NEDD8: variants seen among roughly 807,000 people sequenced by gnomAD.
NEDD8 encodes NEDD8 ubiquitin like modifier.
A neutral mutation model predicts 13.8 loss-of-function variants in NEDD8; 1 was observed. The observed-to-expected ratio is 0.07, with a 90% CI of 0.03 to 0.34. The LOEUF (loss-of-function observed/expected upper bound fraction) is 0.34. Among genes scored for constraint, NEDD8 ranks in the 10% least tolerant of loss-of-function variants. The pLI is 0.99. For synonymous variants in NEDD8, 31 were observed against 33.2 expected (o/e 0.93, Z 0.23); for missense variants, 10 against 95.2 (o/e 0.10, Z 3.73).
intron 1 of NEDD8, among the ~76,000 whole-genome samples, chr14:24,219,527 A>T (rs924966641): frequency 2.6e-5 from 4 of 151,686 alleles, no homozygotes; most frequent in Admixed American, 2.6e-4. Flanking sequence ...AAGAGAAAAG[A>T]AGACAAGAAG....
chr14:24,216,939 C>T lies in NEDD8; in HGVS notation c.*188G>A, dbSNP rs2766. On this transcript the variant is annotated 3_prime_UTR_variant, in exon 4 of 4. Coordinates refer to ENST00000250495, the MANE Select transcript of NEDD8 (RefSeq NM_006156.3). ...AAGCACACAGGACTGCAAACTAACA[C>T]CCAGTAGCCAGCAAGGGCCCTCTGG... The T allele has an allele frequency of 0.028, 16,539 of 587,894 alleles. 297 individuals are homozygous for T. Among genetic ancestry groups the T allele is most frequent in the Non-Finnish European group, 0.041 (13,315 of 325,778 alleles). 36.4% of individuals were successfully genotyped at this position (587,894 alleles called of 1,614,324 possible). A position where few individuals can be genotyped will look rare whatever the true frequency, so the allele number is the denominator to read the frequency against.
chr14:24,218,856 C>G, intron 1 of NEDD8: 1 of 220,112 alleles, frequency 4.5e-6, no homozygotes, highest in South Asian at 6.1e-5. Flanking sequence ...AACCAATTCT[C>G]CTGCCTCAGC....
intron 1 of NEDD8, 136 bp from the exon 2 acceptor site, chr14:24,218,567 A>G (rs2039747253): frequency 1.6e-6 from 2 of 1,245,104 alleles, no homozygotes; most frequent in Non-Finnish European, 1.2e-6. Context: ...GCTTTGGAGA[A>G]TGAGAAGGCT....
chr14:24,231,149 C>G (rs2138917302), intron 1 of NEDD8, among the ~76,000 whole-genome samples: 1 of 152,298 alleles, frequency 6.6e-6, no homozygotes, highest in African/African-American at 2.4e-5. Context: ...CCTCGGCCTT[C>G]CAAAGTGCTG....
chr14:24,222,741 T>A (rs1397968263), intron 1 of NEDD8, among the ~76,000 whole-genome samples: 1 of 152,124 alleles, frequency 6.6e-6, no homozygotes, highest in Admixed American at 6.6e-5. Flanking sequence ...ATTAATATAT[T>A]TTATGTTTTT....
At chr14:24,218,359 T>C in intron 2 of NEDD8, 25 bp downstream of exon 2, 2 of 1,614,198 alleles carry the variant, frequency 1.2e-6, no homozygotes, top group Non-Finnish European at 1.7e-6. Flanking sequence ...AAGAAGTACA[T>C]GAAGAGGAGT....
chr14:24,224,309 C>A (rs759714580), intron 1 of NEDD8, among the ~76,000 whole-genome samples: 1 of 152,170 alleles, frequency 6.6e-6, no homozygotes, highest in Non-Finnish European at 1.5e-5. Context: ...AATGATCCAC[C>A]CGCCTCGGCC....
At chr14:24,222,976 C>A (rs557286114) in intron 1 of NEDD8, among the ~76,000 whole-genome samples, 79 of 149,466 alleles carry the variant, frequency 5.3e-4, no homozygotes, top group African/African-American at 1.6e-3. Flanking sequence ...GTCCCAGCTA[C>A]TGGGGAGGCT....
chr14:24,230,017 C>G (rs1238015397), intron 1 of NEDD8, among the ~76,000 whole-genome samples: 5 of 151,848 alleles, frequency 3.3e-5, no homozygotes, highest in Non-Finnish European at 5.9e-5. Flanking sequence ...TTGCAGTGAG[C>G]CGACATTGCG....
rs1218252141 is a variant in NEDD8, at chr14:24,230,213, T to C, written c.18+2037A>G. Among the ~76,000 whole-genome samples, 21 of 97,148 alleles carry C rather than the reference T, an allele frequency of 2.2e-4. No individual in the cohort carries two copies. The Admixed American group carries it at 3.0e-3, about 14-fold the overall frequency. 63.7% of individuals were successfully genotyped at this position (97,148 alleles called of 152,430 possible). A position where few individuals can be genotyped will look rare whatever the true frequency, so the allele number is the denominator to read the frequency against. ...CAGGCCTGGCAACAGAGTGAGACTC[T>C]GTCTCAAAAAAAAAAAAAAAAAAAA... On this transcript the variant is annotated intron_variant, in intron 1 of 3. Transcript: ENST00000250495.
intron 1 of NEDD8, among the ~76,000 whole-genome samples, chr14:24,226,329 CA>C (rs1168691482): frequency 2.7e-5 from 4 of 149,286 alleles, no homozygotes; most frequent in Admixed American, 6.7e-5. Context: ...CTGTCTCTAC[CA>C]AAAATACAAA....
chr14:24,226,037 TC>T (rs2039885179), intron 1 of NEDD8, among the ~76,000 whole-genome samples: 1 of 135,598 alleles, frequency 7.4e-6, no homozygotes, highest in African/African-American at 2.8e-5. Context: ...AGACTCCATC[TC>T]CAAAAAAAAA....
chr14:24,223,339 C>T (rs1481245045), intron 1 of NEDD8, among the ~76,000 whole-genome samples: 2 of 151,926 alleles, frequency 1.3e-5, no homozygotes, highest in Non-Finnish European at 2.9e-5. Flanking sequence ...AGTTCAATGC[C>T]GTAGTGGGCT....
At chr14:24,230,307 G>A (rs1198601493) in intron 1 of NEDD8, among the ~76,000 whole-genome samples, 6 of 146,412 alleles carry the variant, frequency 4.1e-5, no homozygotes, top group Non-Finnish European at 9.0e-5. Context: ...GGCAGAGGCG[G>A]GCGGATCACG....
intron 3 of NEDD8, 100 bp downstream of exon 3, chr14:24,218,033 A>C: frequency 4.7e-6 from 7 of 1,504,368 alleles, no homozygotes; most frequent in Non-Finnish European, 6.4e-6. Flanking sequence ...CTTAGGCACC[A>C]AAAACAAGAG....
At chr14:24,225,479 T>C (rs1160210154) in intron 1 of NEDD8, among the ~76,000 whole-genome samples, 4 of 152,154 alleles carry the variant, frequency 2.6e-5, no homozygotes, top group African/African-American at 9.7e-5. Context: ...CACTGAAATA[T>C]GTAGGAATAA....
chr14:24,224,994 A>G (rs1271106039), intron 1 of NEDD8, among the ~76,000 whole-genome samples: 2 of 152,114 alleles, frequency 1.3e-5, no homozygotes, highest in East Asian at 3.9e-4. Context: ...TGTCATCTCT[A>G]TGAAAAATAC....
intron 1 of NEDD8, among the ~76,000 whole-genome samples, chr14:24,225,776 C>T (rs770756466): frequency 1.3e-5 from 2 of 152,174 alleles, no homozygotes; most frequent in Non-Finnish European, 2.9e-5. Context: ...CGGTGGCTCA[C>T]GCCTGTAATC....
At chr14:24,225,919 T>C (rs1264676680) in intron 1 of NEDD8, among the ~76,000 whole-genome samples, 1 of 151,898 alleles carries the variant, frequency 6.6e-6, no homozygotes, top group Non-Finnish European at 1.5e-5. Context: ...CACGCACCTG[T>C]ATCCCAGCTA....
Sources: allele counts gnomAD v4.1 joint callset (sites outside exome capture counted in the v4.1 genomes callset), GRCh38; gene constraint gnomAD v4.1.1; transcripts MANE v1.5; gene names NCBI Gene and HGNC (gene_info 2026-07-23, HGNC 2026-07-21).